The following STXBP5L variants were observed in gnomAD, a reference collection of about 807,000 sequenced individuals.
STXBP5L encodes syntaxin binding protein 5L.
A neutral mutation model predicts 144.5 loss-of-function variants in STXBP5L; 65 were observed. The observed-to-expected ratio is 0.45, with a 90% CI of 0.37 to 0.55. STXBP5L has a LOEUF of 0.55. STXBP5L is among the 20% of genes least tolerant of loss of function. The probability of loss-of-function intolerance (pLI) is 0.00; values close to 1 mark genes in which losing one functional copy is unlikely to be tolerated. For missense variants in STXBP5L, 1,298 were observed against 1,405.5 expected, an observed-to-expected ratio of 0.92 and a Z score of 1.22; for synonymous variants, 505 against 469.6, an observed-to-expected ratio of 1.08 and a Z score of -0.97.
chr3:120,946,437 A>C (rs1346205164), intron 2 of STXBP5L, among the ~76,000 whole-genome samples: 1 of 151,794 alleles, frequency 6.6e-6, no homozygotes, highest in Non-Finnish European at 1.5e-5. Flanking sequence ...TTTACCATTA[A>C]GAATATATTA....
chr3:121,249,667 A>G (rs1159577532), intron 14 of STXBP5L, among the ~76,000 whole-genome samples: 1 of 152,094 alleles, frequency 6.6e-6, no homozygotes, highest in Non-Finnish European at 1.5e-5. Flanking sequence ...TTTAGTCTGT[A>G]TGCCTTTTAT....
At chr3:121,409,760 C>T (rs1421613540) in intron 23 of STXBP5L, among the ~76,000 whole-genome samples, 3 of 151,902 alleles carry the variant, frequency 2.0e-5, no homozygotes, top group Non-Finnish European at 4.4e-5. Flanking sequence ...ACTATGGCTG[C>T]TTTTGCACTA....
intron 3 of STXBP5L, among the ~76,000 whole-genome samples, chr3:121,016,273 T>A (rs1374937639): frequency 1.3e-5 from 2 of 152,128 alleles, no homozygotes; most frequent in Non-Finnish European, 2.9e-5. Context: ...GAGTCAGCAA[T>A]AGCATAGATT....
In STXBP5L at chr3:120,935,513, C is replaced by T. The variant is rs1259498902; in HGVS notation, c.190-19427C>T. The stretch of plus-strand genomic sequence containing the variant: ...GTTTCTGACCCATATCATTTTCCTT[C>T]TTTCTGAAGAATTTCTTTTAGCATT... On this transcript the variant is annotated intron_variant, in intron 2 of 26. Coordinates refer to ENST00000471454, the MANE Select transcript of STXBP5L (RefSeq NM_001308330.2). Among the ~76,000 whole-genome samples the T allele has an allele frequency of 2.6e-5, 4 of 151,946 alleles. No homozygotes were observed. The East Asian group carries it at 7.7e-4, about 29-fold the overall frequency.
At chr3:121,240,594 G>T in intron 14 of STXBP5L, 87 bp downstream of exon 14, 1 of 1,252,020 alleles carries the variant, frequency 8.0e-7, no homozygotes. Flanking sequence ...TGTGTTCTAT[G>T]CAGAATAATA....
chr3:121,213,874 A>G (rs772501167), intron 10 of STXBP5L, among the ~76,000 whole-genome samples: 1 of 152,180 alleles, frequency 6.6e-6, no homozygotes, highest in Non-Finnish European at 1.5e-5. Flanking sequence ...GCTATTAATT[A>G]CTGCCTCAAT....
chr3:121,122,610 G>C (rs1218417361), intron 7 of STXBP5L, among the ~76,000 whole-genome samples: 1 of 151,456 alleles, frequency 6.6e-6, no homozygotes, highest in Non-Finnish European at 1.5e-5. Context: ...GAAGATGTCT[G>C]AGGACATAAT....
At chr3:121,354,474 G>A (rs1237595400) in intron 20 of STXBP5L, among the ~76,000 whole-genome samples, 1 of 136,782 alleles carries the variant, frequency 7.3e-6, no homozygotes, top group African/African-American at 2.7e-5. Context: ...TTGGTTTAAA[G>A]TCTCTTTTGT....
intron 5 of STXBP5L, among the ~76,000 whole-genome samples, chr3:121,068,246 G>A (rs915743027): frequency 1.3e-5 from 2 of 152,204 alleles, no homozygotes; most frequent in Non-Finnish European, 2.9e-5. Flanking sequence ...TTGACCTTGA[G>A]ATCTGCCTGC....
chr3:121,162,230 C>A (rs78118379), intron 9 of STXBP5L, among the ~76,000 whole-genome samples: 2 of 152,044 alleles, frequency 1.3e-5, no homozygotes, highest in African/African-American at 4.8e-5. Flanking sequence ...GGTATGAAGA[C>A]GTTGATTTCC....
intron 5 of STXBP5L, among the ~76,000 whole-genome samples, chr3:121,073,923 T>G (rs182405733): frequency 5.9e-5 from 9 of 152,338 alleles, no homozygotes; most frequent in Non-Finnish European, 1.3e-4. Context: ...ATCTTGCCCT[T>G]TGGCCACAGA....
intron 21 of STXBP5L, 79 bp from the exon 22 acceptor site, chr3:121,381,214 G>A: frequency 7.3e-7 from 1 of 1,378,886 alleles, no homozygotes; most frequent in South Asian, 1.3e-5. Flanking sequence ...TCATAATTTT[G>A]ATTTATATAT....
chr3:121,107,593 C>T lies in STXBP5L; in HGVS notation c.471-7332C>T, dbSNP rs550561017. Among the ~76,000 whole-genome samples, 13 of 152,054 alleles carry T rather than the reference C, an allele frequency of 8.5e-5. No homozygotes were observed. In the South Asian group the frequency reaches 1.2e-3, roughly 15 times the overall value. On this transcript the variant is annotated intron_variant, in intron 5 of 26. Transcript: ENST00000471454. The stretch of plus-strand genomic sequence containing the variant: ...GGTGTGTCTGTTTTGGTACCAGTAC[C>T]GTGCTGTTTTGGTTACTATAGCCTT...
At chr3:121,389,064 C>T (rs1396345742) in intron 22 of STXBP5L, among the ~76,000 whole-genome samples, 1 of 152,168 alleles carries the variant, frequency 6.6e-6, no homozygotes. Context: ...GCCTCAATCT[C>T]AGAGCCTGTT....
At chr3:121,122,612 G>A (rs950075679) in intron 7 of STXBP5L, among the ~76,000 whole-genome samples, 5 of 151,382 alleles carry the variant, frequency 3.3e-5, no homozygotes, top group African/African-American at 1.2e-4. Context: ...AGATGTCTGA[G>A]GACATAATTA....
chr3:120,961,085 T>G (rs1938738496), intron 3 of STXBP5L, among the ~76,000 whole-genome samples: 1 of 152,140 alleles, frequency 6.6e-6, no homozygotes, highest in Non-Finnish European at 1.5e-5. Context: ...ATCAATTTCT[T>G]TGAAGTTTTA....
At chr3:121,342,481 C>A (rs2044752451) in intron 20 of STXBP5L, among the ~76,000 whole-genome samples, 1 of 151,314 alleles carries the variant, frequency 6.6e-6, no homozygotes, top group East Asian at 2.0e-4. Flanking sequence ...ATATCTCCCA[C>A]AGCTATCCTT....
intron 9 of STXBP5L, among the ~76,000 whole-genome samples, chr3:121,163,840 GA>G (rs574217182): frequency 1.3e-5 from 2 of 151,828 alleles, no homozygotes; most frequent in Non-Finnish European, 2.9e-5. Context: ...GACTCCAAAA[GA>G]GAATGTTAAA....
At chr3:121,135,869 C>T (rs1486957022) in intron 7 of STXBP5L, among the ~76,000 whole-genome samples, 1 of 152,218 alleles carries the variant, frequency 6.6e-6, no homozygotes, top group Admixed American at 6.5e-5. Context: ...TGCATTACCA[C>T]TGGTTAACTA....
Sources: allele counts gnomAD v4.1 joint callset (sites outside exome capture counted in the v4.1 genomes callset), GRCh38; gene constraint gnomAD v4.1.1; transcripts MANE v1.5; gene names NCBI Gene and HGNC (gene_info 2026-07-23, HGNC 2026-07-21).